RNASE10: variants seen among roughly 807,000 people sequenced by gnomAD.
RNASE10 encodes the protein inactive ribonuclease-like protein 10.
In RNASE10, 2 loss-of-function variants were observed where a neutral mutation model predicts 1.1. The ratio of observed to expected loss-of-function variants is 1.82; its 90% CI spans 0.74 to 5.73. The LOEUF is 5.73. RNASE10 is among the 30% of genes most tolerant of loss of function. The probability of loss-of-function intolerance (pLI) is 0.05; values close to 1 mark genes in which losing one functional copy is unlikely to be tolerated. For missense variants in RNASE10, 276 were observed against 263.4 expected (o/e 1.05, Z -0.33); for synonymous variants, 97 against 96.2 (o/e 1.01, Z -0.05).
chr14:20,513,430 C>T (rs1363446621), downstream of RNASE10, among the ~76,000 whole-genome samples: 5 of 152,208 alleles, frequency 3.3e-5, no homozygotes, highest in Non-Finnish European at 7.3e-5. Flanking sequence ...ACAAGACTTT[C>T]ACCGAGTCTT....
downstream of RNASE10, among the ~76,000 whole-genome samples, chr14:20,513,295 C>G (rs537649100): frequency 6.6e-6 from 1 of 152,212 alleles, no homozygotes; most frequent in Non-Finnish European, 1.5e-5. Flanking sequence ...ACTCCACAGG[C>G]GCCTAGTGGC....
intron 1 of RNASE10, among the ~76,000 whole-genome samples, chr14:20,509,469 G>A (rs1333823751): frequency 6.6e-6 from 1 of 152,240 alleles, no homozygotes. Flanking sequence ...CTACTCAGAT[G>A]TTAAGAGATC....
intron 1 of RNASE10, among the ~76,000 whole-genome samples, chr14:20,509,593 A>C (rs1037104762): frequency 6.6e-6 from 1 of 152,202 alleles, no homozygotes; most frequent in Non-Finnish European, 1.5e-5. Context: ...GGACTGTGGT[A>C]CTTTTTCTAT....
chr14:20,504,577 ACT>A (rs1430899394), upstream of RNASE10, among the ~76,000 whole-genome samples: 40 of 146,840 alleles, frequency 2.7e-4, no homozygotes, highest in South Asian at 8.8e-3. Context: ...AGTCCCAGCT[ACT>A]TGGGAGGCTG....
downstream of RNASE10, among the ~76,000 whole-genome samples, chr14:20,512,042 A>G (rs1212863079): frequency 1.3e-5 from 2 of 152,154 alleles, no homozygotes; most frequent in African/African-American, 2.4e-5. Flanking sequence ...AGAGAATGAG[A>G]AAAAGAGAGA....
At position 20,510,482 on chromosome 14, in the gene RNASE10, A is replaced by G. The variant is rs202091182; in HGVS notation, c.95A>G (p.Asn32Ser). 7.8e-5 allele frequency: 125 copies of G among 1,608,620 alleles called. No homozygotes were observed. Among genetic ancestry groups the G allele is most frequent in the Middle Eastern group, 1.7e-4 (1 of 6,044 alleles). ...TCCTCTCCAGGCAAAATGAAGCTGA[A>G]TCTGGTGCAGATCTTTTTCATGTTG... is the stretch of plus-strand genomic sequence containing the variant. The change falls in exon 2 of 2, where the codon AAT (asparagine) becomes AGT (serine). Residue 32 changes from asparagine (N) to serine (S), a missense_variant. Coordinates refer to ENST00000430083, the Ensembl canonical transcript of RNASE10.
chr14:20,506,985 A>G (rs1395817563), intron 1 of RNASE10, among the ~76,000 whole-genome samples: 14 of 99,572 alleles, frequency 1.4e-4, no homozygotes, highest in African/African-American at 4.1e-4. Context: ...TCCGGGAGGG[A>G]GGTGGTGGGG....
chr14:20,504,347 T>C (rs1178927678), upstream of RNASE10, among the ~76,000 whole-genome samples: 1 of 152,190 alleles, frequency 6.6e-6, no homozygotes, highest in African/African-American at 2.4e-5. Context: ...CTTATGCATG[T>C]ACGTAAGTCA....
Position 20,511,114 on chromosome 14 carries a change from G to T in RNASE10, c.727G>T (p.Gly243Ter), listed in dbSNP as rs1330465247. The change falls in exon 2 of 2, where the codon GGA becomes TGA. Residue 243 changes from glycine to a stop codon, truncating the protein, a stop_gained. Transcript: ENST00000430083. LOFTEE classifies it high-confidence loss of function. Reference sequence around the variant, plus strand: ...TGACATGAAGCGCCAGTTACCAACTGGACAATGAAGCAACTCATCATCTTT... The same window carrying T: ...TGACATGAAGCGCCAGTTACCAACTTGACAATGAAGCAACTCATCATCTTT... 6.7e-7 allele frequency: 1 copy of T among 1,484,296 alleles called. No individual in the cohort carries two copies. 91.9% of individuals were successfully genotyped at this position (1,484,296 alleles called of 1,614,324 possible).
At chr14:20,506,211 G>A (rs1882708588) in intron 1 of RNASE10, among the ~76,000 whole-genome samples, 192 bp downstream of exon 1, 3 of 129,408 alleles carry the variant, frequency 2.3e-5, no homozygotes, top group Non-Finnish European at 3.4e-5. Flanking sequence ...CGCCCGGCCA[G>A]CCGCCCCGTC....
chr14:20,513,271 G>A (rs147200659), downstream of RNASE10, among the ~76,000 whole-genome samples: 72 of 152,092 alleles, frequency 4.7e-4, 1 homozygote, highest in African/African-American at 1.6e-3. Context: ...TCGCAGGAAA[G>A]CAATTTACAA....
chr14:20,507,095 G>A (rs1482682644), intron 1 of RNASE10, among the ~76,000 whole-genome samples: 4 of 148,682 alleles, frequency 2.7e-5, no homozygotes, highest in Admixed American at 6.7e-5. Flanking sequence ...GCCCGGCCAG[G>A]ACCCCGTCTG....
chr14:20,510,679 C>T (rs755403389), exon 2 of RNASE10: 2 of 1,614,186 alleles, frequency 1.2e-6, no homozygotes, highest in South Asian at 1.1e-5. Context: ...AACGCTGGTG[C>T]TTAGCAACAA....
chr14:20,507,689 A>G (rs1393395831), intron 1 of RNASE10, among the ~76,000 whole-genome samples: 4 of 151,854 alleles, frequency 2.6e-5, no homozygotes, highest in African/African-American at 7.3e-5. Context: ...ACTCATGAAT[A>G]TTCTTTATCC....
intron 1 of RNASE10, among the ~76,000 whole-genome samples, chr14:20,507,633 AAT>A (rs367686737): frequency 0.25 from 36,760 of 144,554 alleles, 5,284 homozygotes; most frequent in Non-Finnish European, 0.29. Flanking sequence ...TAAATAAATA[AAT>A]AAAATTTTCA....
downstream of RNASE10, among the ~76,000 whole-genome samples, chr14:20,512,128 G>A (rs933509599): frequency 6.6e-6 from 1 of 152,188 alleles, no homozygotes; most frequent in Admixed American, 6.5e-5. Flanking sequence ...GTGCTCATAT[G>A]AGGTGCCCAG....
intron 1 of RNASE10, 24 bp from the exon 2 acceptor site, chr14:20,510,443 T>C (rs193160785): frequency 8.8e-6 from 14 of 1,589,536 alleles, no homozygotes; most frequent in Middle Eastern, 3.4e-4. Flanking sequence ...AGTCACGTTC[T>C]TCCATTTCCC....
At chr14:20,506,424 C>T (rs1174634190) in intron 1 of RNASE10, among the ~76,000 whole-genome samples, 5 of 127,544 alleles carry the variant, frequency 3.9e-5, no homozygotes, top group Non-Finnish European at 8.4e-5. Context: ...CCAGCCGTCC[C>T]GTCCGGGAGG....
chr14:20,510,402 C>G, intron 1 of RNASE10, 65 bp from the exon 2 acceptor site: 4 of 1,541,178 alleles, frequency 2.6e-6, no homozygotes, highest in Non-Finnish European at 3.5e-6. Context: ...AGTGAGATTA[C>G]AGTCTCTACT....
Sources: gnomAD v4.1 joint callset for allele counts (sites outside exome capture counted in the v4.1 genomes callset) on GRCh38, gnomAD v4.1.1 for gene constraint, MANE v1.5 for transcripts, NCBI Gene and HGNC (gene_info 2026-07-23, HGNC 2026-07-21) for gene names.